BRD10: variants seen among roughly 807,000 people sequenced by gnomAD.
The protein encoded by BRD10 is uncharacterized bromodomain-containing protein 10.
the BRD10 span, among the ~76,000 whole-genome samples, chr9:5,885,992 T>C: frequency 3.3e-5 from 5 of 152,188 alleles, no homozygotes; most frequent in Non-Finnish European, 5.9e-5. Context: ...CCCAAATCTT[T>C]TGAGCCAGGG....
chr9:5,929,773 G>C, the BRD10 span, among the ~76,000 whole-genome samples: 3 of 152,096 alleles, frequency 2.0e-5, no homozygotes, highest in Non-Finnish European at 2.9e-5. Context: ...TATATCTAGA[G>C]AGAGCTCTAG....
the BRD10 span, chr9:5,922,606 T>G: frequency 6.2e-7 from 1 of 1,613,990 alleles, no homozygotes; most frequent in Non-Finnish European, 8.5e-7. Flanking sequence ...GTTCTGTACC[T>G]TTCTGTTGAA....
the BRD10 span, among the ~76,000 whole-genome samples, chr9:5,884,427 A>G: frequency 6.6e-6 from 1 of 152,168 alleles, no homozygotes; most frequent in Admixed American, 6.5e-5. Flanking sequence ...AGCTCCAGCC[A>G]TATGGAACGA....
the BRD10 span, among the ~76,000 whole-genome samples, chr9:5,935,796 C>T: frequency 6.6e-5 from 10 of 152,160 alleles, no homozygotes; most frequent in Non-Finnish European, 1.0e-4. Context: ...TCTCTCACAA[C>T]GCCTAACTCT....
the BRD10 span, chr9:5,906,841 G>T: frequency 1.6e-6 from 2 of 1,283,798 alleles, no homozygotes; most frequent in Non-Finnish European, 2.1e-6. Flanking sequence ...AATGGATTCA[G>T]TTACTTCTTC....
the BRD10 span, among the ~76,000 whole-genome samples, chr9:5,881,949 G>A: frequency 6.6e-6 from 1 of 152,206 alleles, no homozygotes; most frequent in African/African-American, 2.4e-5. Context: ...ACAGAGCCCA[G>A]GAACCAGTGG....
the BRD10 span, among the ~76,000 whole-genome samples, chr9:5,965,819 C>T: frequency 6.6e-6 from 1 of 152,082 alleles, no homozygotes; most frequent in Non-Finnish European, 1.5e-5. Flanking sequence ...AGGTATGCCC[C>T]GAACTGACTA....
At chr9:5,888,627 C>T in the BRD10 span, among the ~76,000 whole-genome samples, 4 of 152,164 alleles carry the variant, frequency 2.6e-5, no homozygotes, top group Non-Finnish European at 5.9e-5. Flanking sequence ...AGAAGTTTTG[C>T]AAAGGAGATG....
At chr9:5,914,918 C>CA in the BRD10 span, among the ~76,000 whole-genome samples, 1 of 151,886 alleles carries the variant, frequency 6.6e-6, no homozygotes, top group Non-Finnish European at 1.5e-5. Context: ...TGAACTGTTA[C>CA]AAAAAATGTG....
chr9:5,971,270 T>G, the BRD10 span, among the ~76,000 whole-genome samples: 1 of 152,092 alleles, frequency 6.6e-6, no homozygotes, highest in African/African-American at 2.4e-5. Context: ...GTAACAAGTA[T>G]TGGTGAAAAC....
chr9:5,901,176 T>G, the BRD10 span, among the ~76,000 whole-genome samples: 1 of 152,144 alleles, frequency 6.6e-6, no homozygotes, highest in East Asian at 1.9e-4. Context: ...CAAGGGCAGT[T>G]TTATTTTTTT....
chr9:5,961,628 G>C, the BRD10 span, among the ~76,000 whole-genome samples: 1 of 151,956 alleles, frequency 6.6e-6, no homozygotes, highest in South Asian at 2.1e-4. Context: ...TTCTATGATT[G>C]AATAAAAACA....
At chr9:5,928,916 T>G in the BRD10 span, 1 of 550,760 alleles carries the variant, frequency 1.8e-6, no homozygotes, top group South Asian at 3.0e-5. Flanking sequence ...TTGCACACAG[T>G]GGGCAGTCAA....
At chr9:5,999,221 G>T in the BRD10 span, among the ~76,000 whole-genome samples, 8 of 151,894 alleles carry the variant, frequency 5.3e-5, no homozygotes, top group Non-Finnish European at 1.0e-4. Context: ...AGAGAAGATT[G>T]AAATTATTCA....
At chr9:5,968,302 A>G in the BRD10 span, 3 of 1,611,392 alleles carry the variant, frequency 1.9e-6, no homozygotes, top group Admixed American at 3.3e-5. Context: ...TTCCATTTAC[A>G]TGTATTTGGC....
At chr9:5,963,975 C>G in the BRD10 span, among the ~76,000 whole-genome samples, 1 of 151,864 alleles carries the variant, frequency 6.6e-6, no homozygotes, top group Non-Finnish European at 1.5e-5. Flanking sequence ...TAGGCATGAC[C>G]ATTCAGGACA....
the BRD10 span, among the ~76,000 whole-genome samples, chr9:5,989,773 C>T: frequency 6.6e-6 from 1 of 152,100 alleles, no homozygotes; most frequent in Admixed American, 6.5e-5. Context: ...AAGCGATCAG[C>T]CCACCTTGGC....
chr9:5,971,161 G>A, the BRD10 span, among the ~76,000 whole-genome samples: 1 of 151,332 alleles, frequency 6.6e-6, no homozygotes, highest in African/African-American at 2.4e-5. Context: ...ATGAAAAGAT[G>A]CTCAGCCTCA....
chr9:5,965,234 A>G, the BRD10 span, among the ~76,000 whole-genome samples: 1 of 152,072 alleles, frequency 6.6e-6, no homozygotes, highest in Admixed American at 6.6e-5. Context: ...CATGAATGAC[A>G]CAGCTCATCC....
Sources: gnomAD v4.1 joint callset for allele counts (sites outside exome capture counted in the v4.1 genomes callset) on GRCh38, gnomAD v4.1.1 for gene constraint, MANE v1.5 for transcripts, NCBI Gene and HGNC (gene_info 2026-07-23, HGNC 2026-07-21) for gene names.